The following CNTNAP2 variants were observed in gnomAD, a reference collection of about 807,000 sequenced individuals.
The protein encoded by CNTNAP2 is contactin-associated protein-like 2.
In CNTNAP2, 98 loss-of-function variants were observed where a neutral mutation model predicts 155.2. The observed-to-expected ratio is 0.63, with a 90% CI of 0.54 to 0.75. CNTNAP2 has a LOEUF of 0.75. Ranked by LOEUF, CNTNAP2 falls within the 30% of genes least tolerant of loss-of-function variation. The probability of loss-of-function intolerance (pLI) is 0.00; values close to 1 mark genes in which losing one functional copy is unlikely to be tolerated. For missense variants in CNTNAP2, 1,727 were observed against 1,688.1 expected (o/e 1.02, Z -0.40); for synonymous variants, 651 against 631.2 (o/e 1.03, Z -0.47).
rs1042946637 is a variant in CNTNAP2, at chr7:148,107,365, CAG to C, written c.2384-10752_2384-10751del. 4.6e-5 allele frequency among the ~76,000 whole-genome samples: 7 copies of C among 152,296 alleles called. No homozygotes were observed. In the East Asian group the frequency reaches 9.7e-4, roughly 21 times the overall value. On this transcript the variant is annotated intron_variant, in intron 15 of 23. Coordinates refer to ENST00000361727, the MANE Select transcript of CNTNAP2 (RefSeq NM_014141.6). Reference sequence around the variant, plus strand: ...AAAGGACCCGAATCACAGAGACACACAGGGTGAAATATTTATGTTGTTGACTC... The same window carrying C: ...AAAGGACCCGAATCACAGAGACACACGGTGAAATATTTATGTTGTTGACTC...
intron 1 of CNTNAP2, among the ~76,000 whole-genome samples, chr7:146,303,700 A>G (rs572386899): frequency 2.0e-5 from 3 of 152,266 alleles, no homozygotes; most frequent in East Asian, 3.9e-4. Flanking sequence ...TATGTGGTCA[A>G]TTTTGGAATA....
At chr7:146,631,688 G>A (rs1288151944) in intron 1 of CNTNAP2, among the ~76,000 whole-genome samples, 1 of 152,124 alleles carries the variant, frequency 6.6e-6, no homozygotes, top group Non-Finnish European at 1.5e-5. Flanking sequence ...TGATAAAATG[G>A]CACGCTATTG....
At chr7:147,912,991 T>A (rs959840951) in intron 14 of CNTNAP2, among the ~76,000 whole-genome samples, 2 of 152,176 alleles carry the variant, frequency 1.3e-5, no homozygotes, top group Non-Finnish European at 1.5e-5. Flanking sequence ...CAGGGACGCC[T>A]CCTGTAGGAC....
intron 3 of CNTNAP2, among the ~76,000 whole-genome samples, chr7:146,881,451 C>T (rs1000208198): frequency 6.6e-6 from 1 of 152,018 alleles, no homozygotes; most frequent in African/African-American, 2.4e-5. Context: ...CATCTTAAGG[C>T]CCTGCCTGAT....
At position 146,483,282 on chromosome 7, in the gene CNTNAP2, A is replaced by AT. The variant is rs1554439529; in HGVS notation, c.98-290989_98-290988insT. Among the ~76,000 whole-genome samples the AT allele has an allele frequency of 5.3e-3, 211 of 39,870 alleles. 4 individuals carry two copies. The highest frequency in any genetic ancestry group is 0.013 in the Middle Eastern group (1 of 80). The allele number at this position is 39,870 out of a possible 152,430, so 26.2% of individuals were successfully genotyped here. On this transcript the variant is annotated intron_variant, in intron 1 of 23. Coordinates refer to ENST00000361727, the MANE Select transcript of CNTNAP2 (RefSeq NM_014141.6). Reference sequence around the variant, plus strand: ...CAGAGCAAGACTCCGTCTAAAAAAAAATATATATATATATATATATATATA... The same window carrying AT: ...CAGAGCAAGACTCCGTCTAAAAAAAATATATATATATATATATATATATATA...
chr7:147,585,805 G>A (rs564534559), intron 12 of CNTNAP2, among the ~76,000 whole-genome samples: 82 of 151,830 alleles, frequency 5.4e-4, no homozygotes, highest in Middle Eastern at 3.4e-3. Context: ...ATGTGTGTGT[G>A]TATATATATC....
At chr7:146,404,124 CAAAAAAA>C (rs1163559597) in intron 1 of CNTNAP2, among the ~76,000 whole-genome samples, 17 of 72,774 alleles carry the variant, frequency 2.3e-4, no homozygotes, top group African/African-American at 1.1e-3. Context: ...GACTCCGTCT[CAAAAAAA>C]AAAAAAAAAA....
At position 147,286,290 on chromosome 7, in the gene CNTNAP2, T is replaced by C. The variant is rs113013789; in HGVS notation, c.1349-13851T>C. On this transcript the variant is annotated intron_variant, in intron 8 of 23. Coordinates refer to ENST00000361727, the MANE Select transcript of CNTNAP2 (RefSeq NM_014141.6). ...CTAAAAATAACTTAGTCAATTTAGA[T>C]TTAAGAAATTGTAATAATAATAATG... Among the ~76,000 whole-genome samples, 122 of 152,148 alleles carry C rather than the reference T, an allele frequency of 8.0e-4. 2 individuals carry two copies. The highest frequency in any genetic ancestry group is 2.8e-3 in the African/African-American group (118 of 41,550).
chr7:146,737,590 A>G (rs1801642696), intron 1 of CNTNAP2, among the ~76,000 whole-genome samples: 1 of 152,144 alleles, frequency 6.6e-6, no homozygotes, highest in Non-Finnish European at 1.5e-5. Flanking sequence ...TTATACGCTT[A>G]TAACTTATGT....
At chr7:147,612,603 G>A (rs1801209021) in intron 12 of CNTNAP2, among the ~76,000 whole-genome samples, 1 of 151,910 alleles carries the variant, frequency 6.6e-6, no homozygotes, top group Non-Finnish European at 1.5e-5. Flanking sequence ...GTTTCACTAT[G>A]TTGGCCAGGC....
chr7:148,096,170 T>A (rs867991721), intron 15 of CNTNAP2, among the ~76,000 whole-genome samples: 11 of 152,306 alleles, frequency 7.2e-5, no homozygotes, highest in Middle Eastern at 3.4e-3. Flanking sequence ...TTACTTGATT[T>A]CTGTTAGTGG....
chr7:146,543,512 G>A (rs373310960), intron 1 of CNTNAP2, among the ~76,000 whole-genome samples: 4 of 151,822 alleles, frequency 2.6e-5, no homozygotes, highest in South Asian at 2.1e-4. Flanking sequence ...ACACCAGAGC[G>A]GTTGTTAAAG....
At chr7:147,652,934 C>G (rs1795470220) in intron 13 of CNTNAP2, among the ~76,000 whole-genome samples, 1 of 152,130 alleles carries the variant, frequency 6.6e-6, no homozygotes, top group Non-Finnish European at 1.5e-5. Flanking sequence ...AAGAGCTGCA[C>G]AAACTTCTTT....
At chr7:147,573,031 C>T (rs1800324801) in intron 12 of CNTNAP2, among the ~76,000 whole-genome samples, 1 of 152,108 alleles carries the variant, frequency 6.6e-6, no homozygotes, top group Non-Finnish European at 1.5e-5. Flanking sequence ...TCACCACAAC[C>T]AAGAAAGTTA....
chr7:147,638,823 AC>A, intron 12 of CNTNAP2: 1 of 536,784 alleles, frequency 1.9e-6, no homozygotes, highest in Non-Finnish European at 3.5e-6. Context: ...ATGTTAGAGC[AC>A]CAACAAGATA....
rs114626353 is a variant in CNTNAP2, at chr7:146,378,823, C to T, written c.97+261850C>T. 3.1e-3 allele frequency among the ~76,000 whole-genome samples: 477 copies of T among 152,278 alleles called. 2 individuals are homozygous for T. Among genetic ancestry groups the T allele is most frequent in the African/African-American group, 0.01 (426 of 41,550 alleles). Reference sequence around the variant, plus strand: ...AACTTTCTTGTTTTCCCTAAAATGACGACTTTGGGACTACTTATACATTTG... The same window carrying T: ...AACTTTCTTGTTTTCCCTAAAATGATGACTTTGGGACTACTTATACATTTG... On this transcript the variant is annotated intron_variant, in intron 1 of 23. Transcript: ENST00000361727.
intron 3 of CNTNAP2, among the ~76,000 whole-genome samples, chr7:146,912,398 A>G (rs1418439318): frequency 1.3e-5 from 2 of 152,036 alleles, no homozygotes; most frequent in Non-Finnish European, 2.9e-5. Context: ...ATATCTAATA[A>G]TTGGAAAATT....
chr7:147,205,238 G>A (rs1314739489), intron 8 of CNTNAP2, among the ~76,000 whole-genome samples: 4 of 151,744 alleles, frequency 2.6e-5, no homozygotes, highest in Non-Finnish European at 2.9e-5. Flanking sequence ...CATTCCCCCC[G>A]CCACCCTCCC....
At chr7:146,639,617 C>T (rs1799671075) in intron 1 of CNTNAP2, among the ~76,000 whole-genome samples, 1 of 152,236 alleles carries the variant, frequency 6.6e-6, no homozygotes, top group African/African-American at 2.4e-5. Flanking sequence ...TGTGATCTCA[C>T]ATTTCCCAAC....
Sources: allele counts gnomAD v4.1 joint callset (sites outside exome capture counted in the v4.1 genomes callset), GRCh38; gene constraint gnomAD v4.1.1; transcripts MANE v1.5; gene names NCBI Gene and HGNC (gene_info 2026-07-23, HGNC 2026-07-21).